LDLRAD4: variants seen among roughly 807,000 people sequenced by gnomAD.
LDLRAD4 encodes the protein low-density lipoprotein receptor class A domain-containing protein 4.
Under a neutral mutation model 17.0 loss-of-function variants are expected in LDLRAD4, and 5 were observed. That is an observed-to-expected ratio of 0.29 (90% confidence interval 0.15 to 0.62). The LOEUF (loss-of-function observed/expected upper bound fraction) is 0.62, where lower values mean the gene tolerates loss of function less well. Among genes scored for constraint, LDLRAD4 ranks in the 20% least tolerant of loss-of-function variants. The pLI is 0.84. For synonymous variants in LDLRAD4, 168 were observed against 171.8 expected, an observed-to-expected ratio of 0.98 and a Z score of 0.17; for missense variants, 340 against 424.7, an observed-to-expected ratio of 0.80 and a Z score of 1.75.
intron 3 of LDLRAD4, among the ~76,000 whole-genome samples, chr18:13,597,350 G>T (rs1350022803): frequency 6.6e-6 from 1 of 151,960 alleles, no homozygotes; most frequent in Non-Finnish European, 1.5e-5. Context: ...TCCTTGGTTT[G>T]GCTGTCAGCA....
chr18:13,229,857 C>T (rs575081059), intron 1 of LDLRAD4, among the ~76,000 whole-genome samples: 3 of 152,338 alleles, frequency 2.0e-5, no homozygotes, highest in Admixed American at 6.5e-5. Context: ...GGCTAACAAC[C>T]ATACCAGGGA....
chr18:13,296,508 G>T lies in LDLRAD4; in HGVS notation c.-383+18320G>T, dbSNP rs192440161. Among the ~76,000 whole-genome samples, 1,151 of 152,008 alleles carry T rather than the reference G, an allele frequency of 7.6e-3. 21 individuals carry two copies. The highest frequency in any genetic ancestry group is 0.026 in the African/African-American group (1,091 of 41,432). On this transcript the variant is annotated intron_variant, in intron 1 of 5. Transcript: ENST00000359446. ...CCTCTTCTCTGGGCACACATGAGGG[G>T]TCTTTTCCTTTTCCAGTAAGGACAC... is the stretch of plus-strand genomic sequence containing the variant.
At chr18:13,298,222 G>A (rs1352624428) in intron 1 of LDLRAD4, among the ~76,000 whole-genome samples, 1 of 152,260 alleles carries the variant, frequency 6.6e-6, no homozygotes, top group African/African-American at 2.4e-5. Context: ...TAGGAAGCCA[G>A]CATTATGGTC....
chr18:13,506,043 C>T (rs999377196), intron 3 of LDLRAD4, among the ~76,000 whole-genome samples: 7 of 151,926 alleles, frequency 4.6e-5, no homozygotes, highest in Admixed American at 1.3e-4. Context: ...GTGCTCTCAG[C>T]GTTGTAAAGT....
In LDLRAD4 at chr18:13,503,440, C is replaced by T. The variant is rs376805075; in HGVS notation, c.181+65056C>T. ...GGGTCCCTTCTCCTAAGTAAAATTA[C>T]CCTAAAGACTCTAAACGAGAATGGA... On this transcript the variant is annotated intron_variant, in intron 3 of 5. Transcript: ENST00000359446. Among the ~76,000 whole-genome samples the T allele has an allele frequency of 5.3e-5, 8 of 151,462 alleles. No individual in the cohort carries two copies. The East Asian group carries it at 7.8e-4, about 15-fold the overall frequency.
intron 3 of LDLRAD4, chr18:13,487,868 C>T (rs2093268238): frequency 6.6e-6 from 1 of 152,528 alleles, no homozygotes; most frequent in African/African-American, 2.4e-5. Context: ...CTGGGCATTT[C>T]ATGGACACAT....
At chr18:13,361,646 T>C (rs1004020105) in intron 1 of LDLRAD4, among the ~76,000 whole-genome samples, 2 of 152,208 alleles carry the variant, frequency 1.3e-5, no homozygotes, top group African/African-American at 4.8e-5. Flanking sequence ...GGGTTCTGGA[T>C]GACATCACTG....
At chr18:13,569,377 C>T (rs977764029) in intron 3 of LDLRAD4, among the ~76,000 whole-genome samples, 1 of 152,160 alleles carries the variant, frequency 6.6e-6, no homozygotes, top group Admixed American at 6.5e-5. Context: ...AACTTTTTTT[C>T]AGTTGCAGGA....
chr18:13,604,561 T>C (rs1218757940), intron 3 of LDLRAD4, among the ~76,000 whole-genome samples: 1 of 152,210 alleles, frequency 6.6e-6, no homozygotes, highest in East Asian at 1.9e-4. Context: ...ATCTAACTCC[T>C]GAGTTAATAA....
chr18:13,372,787 A>C (rs1348628302), intron 1 of LDLRAD4, among the ~76,000 whole-genome samples: 1 of 152,152 alleles, frequency 6.6e-6, no homozygotes, highest in Admixed American at 6.5e-5. Flanking sequence ...GTGTTAATAA[A>C]GTTTTATTGG....
At chr18:13,370,775 A>C (rs1599734963) in intron 1 of LDLRAD4, among the ~76,000 whole-genome samples, 1 of 133,014 alleles carries the variant, frequency 7.5e-6, no homozygotes, top group Non-Finnish European at 1.5e-5. Flanking sequence ...CAGTGGTGGG[A>C]TCTTGGCTCA....
intron 1 of LDLRAD4, among the ~76,000 whole-genome samples, chr18:13,349,214 T>A (rs1486134954): frequency 1.3e-5 from 2 of 152,180 alleles, no homozygotes; most frequent in Non-Finnish European, 2.9e-5. Flanking sequence ...CTATCTTGGC[T>A]CCCCAACAAT....
intron 3 of LDLRAD4, among the ~76,000 whole-genome samples, chr18:13,529,030 C>G (rs1360934232): frequency 6.6e-6 from 1 of 152,182 alleles, no homozygotes; most frequent in African/African-American, 2.4e-5. Flanking sequence ...AGACACTGGC[C>G]CAACTGATGT....
intron 4 of LDLRAD4, among the ~76,000 whole-genome samples, chr18:13,638,037 C>G (rs1324914541): frequency 6.6e-6 from 1 of 152,128 alleles, no homozygotes. Flanking sequence ...ATTTGAGCCT[C>G]ATGACAACCT....
At chr18:13,344,368 G>T (rs2082554382) in intron 1 of LDLRAD4, among the ~76,000 whole-genome samples, 1 of 152,138 alleles carries the variant, frequency 6.6e-6, no homozygotes, top group Admixed American at 6.5e-5. Flanking sequence ...GTTTTTGTCA[G>T]CTTTGTCAGA....
rs534478185 is a variant in LDLRAD4, at chr18:13,544,974, T to C, written c.182-76143T>C. Among the ~76,000 whole-genome samples the C allele has an allele frequency of 1.3e-3, 193 of 151,958 alleles. 1 individual carries two copies. Among genetic ancestry groups the C allele is most frequent in the African/African-American group, 4.5e-3 (187 of 41,408 alleles). ...GTATTACTTTTATAATTGAAAGTAT[T>C]ATTAGAGAAAACATACATTAAACTT... On this transcript the variant is annotated intron_variant, in intron 3 of 5. Coordinates refer to ENST00000359446, the Ensembl canonical transcript of LDLRAD4.
Position 13,306,550 on chromosome 18 carries a change from C to T in LDLRAD4, c.-383+28362C>T, listed in dbSNP as rs76549201. On this transcript the variant is annotated intron_variant, in intron 1 of 5. Transcript: ENST00000359446. ...CTCTAGATCAGGGTCTCAAAAGGAC[C>T]TTTAAGGCTCATTACACACGGCGTT... 6.8e-3 allele frequency among the ~76,000 whole-genome samples: 1,029 copies of T among 152,242 alleles called. 13 individuals are homozygous for T. The highest frequency in any genetic ancestry group is 0.024 in the African/African-American group (978 of 41,514).
chr18:13,396,505 A>C (rs1013071994), intron 2 of LDLRAD4, among the ~76,000 whole-genome samples: 1 of 152,214 alleles, frequency 6.6e-6, no homozygotes, highest in African/African-American at 2.4e-5. Flanking sequence ...TATTTTTTAG[A>C]CAGGGTCTTG....
intron 1 of LDLRAD4, among the ~76,000 whole-genome samples, chr18:13,352,079 ACT>A (rs1205481909): frequency 1.3e-5 from 2 of 152,206 alleles, no homozygotes; most frequent in South Asian, 2.1e-4. Flanking sequence ...TGTGTTAAAA[ACT>A]CTCAATAAAC....
Sources: gnomAD v4.1 joint callset for allele counts (sites outside exome capture counted in the v4.1 genomes callset) on GRCh38, gnomAD v4.1.1 for gene constraint, MANE v1.5 for transcripts, NCBI Gene and HGNC (gene_info 2026-07-23, HGNC 2026-07-21) for gene names.